TP63: variants seen among roughly 807,000 people sequenced by gnomAD.
TP63 encodes tumor protein 63.
A neutral mutation model predicts 82.8 loss-of-function variants in TP63; 17 were observed. The observed-to-expected ratio is 0.21, with a 90% CI of 0.14 to 0.31. The LOEUF (loss-of-function observed/expected upper bound fraction) is 0.31, where lower values mean the gene tolerates loss of function less well. Ranked by LOEUF, TP63 falls within the 10% of genes least tolerant of loss-of-function variation. The pLI is 1.00. For missense variants in TP63, 648 were observed against 895.3 expected, an observed-to-expected ratio of 0.72 and a Z score of 3.52; for synonymous variants, 330 against 321.7, an observed-to-expected ratio of 1.03 and a Z score of -0.28.
At chr3:189,697,931 T>G (rs1228671653) in intron 1 of TP63, among the ~76,000 whole-genome samples, 1 of 152,050 alleles carries the variant, frequency 6.6e-6, no homozygotes, top group Non-Finnish European at 1.5e-5. Flanking sequence ...AAGAGGTACC[T>G]GAAGACCCAT....
At chr3:189,608,268 AG>A in the TP63 span, among the ~76,000 whole-genome samples, 3 of 152,130 alleles carry the variant, frequency 2.0e-5, no homozygotes, top group African/African-American at 7.2e-5. Flanking sequence ...GACTGAGTAA[AG>A]AGGACTTTTG....
chr3:189,706,650 A>C (rs983077980), intron 1 of TP63, among the ~76,000 whole-genome samples: 7 of 152,060 alleles, frequency 4.6e-5, no homozygotes, highest in Non-Finnish European at 8.8e-5. Flanking sequence ...AATACATCTC[A>C]AGCAGGGAAA....
chr3:189,618,507 C>T, the TP63 span, among the ~76,000 whole-genome samples: 7 of 152,296 alleles, frequency 4.6e-5, no homozygotes, highest in African/African-American at 1.7e-4. Context: ...CCTTGCTGGT[C>T]ATAATGGTAA....
At chr3:189,752,519 T>G (rs1721897377) in intron 3 of TP63, among the ~76,000 whole-genome samples, 2 of 152,210 alleles carry the variant, frequency 1.3e-5, no homozygotes, top group South Asian at 4.1e-4. Flanking sequence ...TAATGATATC[T>G]TCCACTTTCA....
intron 1 of TP63, among the ~76,000 whole-genome samples, chr3:189,704,058 G>A (rs1053209623): frequency 6.6e-6 from 1 of 152,206 alleles, no homozygotes; most frequent in Admixed American, 6.5e-5. Flanking sequence ...GTTCACATTT[G>A]GACAACTAGG....
At chr3:189,657,169 AG>A (rs1029446687) in intron 1 of TP63, among the ~76,000 whole-genome samples, 4 of 152,036 alleles carry the variant, frequency 2.6e-5, no homozygotes, top group Non-Finnish European at 4.4e-5. Context: ...ACATGTTGCC[AG>A]GGGTTTGGGG....
At chr3:189,775,350 T>C (rs1433057267) in intron 3 of TP63, among the ~76,000 whole-genome samples, 2 of 152,116 alleles carry the variant, frequency 1.3e-5, no homozygotes, top group Non-Finnish European at 2.9e-5. Context: ...TCATTCTGCC[T>C]CAAGTCAGTC....
At chr3:189,756,964 C>T (rs2108531038) in intron 3 of TP63, among the ~76,000 whole-genome samples, 1 of 152,280 alleles carries the variant, frequency 6.6e-6, no homozygotes, top group Middle Eastern at 3.4e-3. Context: ...AGGTGGAAAT[C>T]CTATCATGCT....
chr3:189,886,351 C>G (rs1191885377), intron 10 of TP63, 43 bp from the exon 11 acceptor site: 6 of 1,601,638 alleles, frequency 3.7e-6, no homozygotes, highest in Non-Finnish European at 5.1e-6. Context: ...CCCCACTCTT[C>G]AGTGTCCCTT....
chr3:189,641,773 C>A (rs147122316), intron 1 of TP63, among the ~76,000 whole-genome samples: 5,831 of 152,110 alleles, frequency 0.038, 142 homozygotes, highest in Middle Eastern at 0.054. Flanking sequence ...GTTCAATGGT[C>A]CAAATATTTA....
chr3:189,740,233 G>A (rs906734747), intron 3 of TP63, among the ~76,000 whole-genome samples: 1 of 152,080 alleles, frequency 6.6e-6, no homozygotes, highest in Non-Finnish European at 1.5e-5. Flanking sequence ...TCAAGGCCTT[G>A]GACTATATCA....
intron 4 of TP63, among the ~76,000 whole-genome samples, chr3:189,843,267 C>G (rs1197311769): frequency 6.6e-6 from 1 of 150,656 alleles, no homozygotes; most frequent in African/African-American, 2.5e-5. Flanking sequence ...TCGCCCCACT[C>G]CCACCACCTG....
chr3:189,691,335 T>C (rs1331855269), intron 1 of TP63, among the ~76,000 whole-genome samples: 3 of 60,780 alleles, frequency 4.9e-5, no homozygotes, highest in African/African-American at 1.2e-4. Flanking sequence ...TGAGACTCCA[T>C]CTCAAAAAAA....
chr3:189,644,709 G>A (rs1712245687), intron 1 of TP63, among the ~76,000 whole-genome samples: 1 of 152,012 alleles, frequency 6.6e-6, no homozygotes, highest in Non-Finnish European at 1.5e-5. Flanking sequence ...AGTGTCCAAA[G>A]TCCATATATC....
At chr3:189,713,719 G>A (rs962157005) in intron 1 of TP63, among the ~76,000 whole-genome samples, 2 of 152,020 alleles carry the variant, frequency 1.3e-5, no homozygotes, top group African/African-American at 4.8e-5. Context: ...TATATTAGGT[G>A]TATATTCTGT....
chr3:189,661,127 A>G (rs1390807006), intron 1 of TP63, among the ~76,000 whole-genome samples: 4 of 151,980 alleles, frequency 2.6e-5, no homozygotes, highest in Admixed American at 6.6e-5. Flanking sequence ...AAGTAGTGAG[A>G]GTAAGCATCC....
intron 3 of TP63, among the ~76,000 whole-genome samples, chr3:189,744,409 G>A (rs78851543): frequency 2.2e-3 from 335 of 152,114 alleles, no homozygotes; most frequent in African/African-American, 5.7e-3. Context: ...ACCAGTGCCC[G>A]CACACACCAG....
At chr3:189,832,595 T>C (rs1293210202) in intron 4 of TP63, among the ~76,000 whole-genome samples, 2 of 152,352 alleles carry the variant, frequency 1.3e-5, no homozygotes, top group African/African-American at 4.8e-5. Context: ...TCAGTTATGC[T>C]TATTATCTTG....
intron 10 of TP63, among the ~76,000 whole-genome samples, chr3:189,877,716 G>A (rs557148167): frequency 2.6e-5 from 4 of 152,228 alleles, no homozygotes; most frequent in East Asian, 1.9e-4. Context: ...CACCATAGCC[G>A]GATAAACTGA....
Sources: allele counts gnomAD v4.1 joint callset (sites outside exome capture counted in the v4.1 genomes callset), GRCh38; gene constraint gnomAD v4.1.1; transcripts MANE v1.5; gene names NCBI Gene and HGNC (gene_info 2026-07-23, HGNC 2026-07-21).